Variants in C5AR1 observed in about 807,000 individuals in gnomAD.
The protein encoded by C5AR1 is C5a anaphylatoxin chemotactic receptor 1.
C5AR1 carries 4 observed loss-of-function variants against 2.4 expected under a neutral mutation model. The ratio of observed to expected loss-of-function variants is 1.65; its 90% CI spans 0.81 to 3.77. The LOEUF is 3.77. Ranked by LOEUF, C5AR1 falls within the 30% of genes most tolerant of loss-of-function variation. The probability of loss-of-function intolerance (pLI) is 0.01; values close to 1 mark genes in which losing one functional copy is unlikely to be tolerated. For synonymous variants in C5AR1, 209 were observed against 210.4 expected (o/e 0.99, Z 0.06); for missense variants, 418 against 462.5 (o/e 0.90, Z 0.88).
At chr19:47,313,840 G>A (rs2059278154) in intron 1 of C5AR1, among the ~76,000 whole-genome samples, 2 of 151,990 alleles carry the variant, frequency 1.3e-5, no homozygotes, top group Admixed American at 1.3e-4. Flanking sequence ...GGAGAGGTCT[G>A]TTCATTTCTC....
At chr19:47,310,342 C>T (rs2059265970) in intron 1 of C5AR1, among the ~76,000 whole-genome samples, 1 of 151,914 alleles carries the variant, frequency 6.6e-6, no homozygotes, top group African/African-American at 2.4e-5. Flanking sequence ...GAGACCCTGT[C>T]TGTATTTTTT....
At position 47,319,598 on chromosome 19, in the gene C5AR1, G is replaced by A. The variant is rs116689907; in HGVS notation, c.4-183G>A. 5.2e-3 allele frequency among the ~76,000 whole-genome samples: 784 copies of A among 152,058 alleles called. 8 individuals are homozygous for A. Among genetic ancestry groups the A allele is most frequent in the African/African-American group, 0.018 (746 of 41,508 alleles). On this transcript the variant is annotated intron_variant, in intron 1 of 1. Transcript: ENST00000355085. Reference sequence around the variant, plus strand: ...TGCTGGGATGACAGGCGTGAGCTACGGCATCTGCCTCAATATTTTAATAAG... The same window carrying A: ...TGCTGGGATGACAGGCGTGAGCTACAGCATCTGCCTCAATATTTTAATAAG...
In C5AR1 at chr19:47,314,098, A is replaced by G. The variant is rs530567183; in HGVS notation, c.3+4200A>G. Among the ~76,000 whole-genome samples the G allele has an allele frequency of 3.9e-5, 6 of 152,242 alleles. No individual in the cohort carries two copies. In the East Asian group the frequency reaches 5.8e-4, roughly 15 times the overall value. On this transcript the variant is annotated intron_variant, in intron 1 of 1. Coordinates refer to ENST00000355085, the MANE Select transcript of C5AR1 (RefSeq NM_001736.4). Reference sequence around the variant, plus strand: ...GCCTCACGTCACCTGGACAGTTCCAATCTCCGTTTCCTCCCAGCTTCTGCT... The same window carrying G: ...GCCTCACGTCACCTGGACAGTTCCAGTCTCCGTTTCCTCCCAGCTTCTGCT...
intron 1 of C5AR1, among the ~76,000 whole-genome samples, chr19:47,310,550 G>T (rs2059266517): frequency 6.6e-6 from 1 of 152,140 alleles, no homozygotes; most frequent in Admixed American, 6.6e-5. Context: ...GAGTGCAGTG[G>T]CACCATCATA....
chr19:47,319,395 G>C (rs1328236310), intron 1 of C5AR1, among the ~76,000 whole-genome samples: 2 of 134,060 alleles, frequency 1.5e-5, no homozygotes, highest in Non-Finnish European at 3.0e-5. Flanking sequence ...TCTAACCTCT[G>C]CCTCCTGGGG....
In C5AR1 at chr19:47,320,867, C is replaced by T; in HGVS notation, c.*37C>T. 1 of 1,542,664 alleles carries T rather than the reference C, an allele frequency of 6.5e-7. No individual in the cohort carries two copies. On this transcript the variant is annotated 3_prime_UTR_variant, in exon 2 of 2. Transcript: ENST00000355085. This position sits in a 1 kb window ranked among gnomAD's most constrained non-coding sequence, Gnocchi z 4.9. ...ATGGGCCACTGTGGCCCGATGTCCCCTTCCTTCCCGGCCATTCTCCCTCTT... is the reference window on the plus strand; with the variant it reads ...ATGGGCCACTGTGGCCCGATGTCCCTTTCCTTCCCGGCCATTCTCCCTCTT...
chr19:47,311,748 T>A (rs2122129243), intron 1 of C5AR1, among the ~76,000 whole-genome samples: 1 of 152,112 alleles, frequency 6.6e-6, no homozygotes, highest in South Asian at 2.1e-4. Context: ...GTCTTTTTAG[T>A]AGAGACGGAG....
chr19:47,309,999 C>T (rs2122126761), intron 1 of C5AR1, 101 bp downstream of exon 1: 4 of 1,194,686 alleles, frequency 3.3e-6, no homozygotes, highest in African/African-American at 1.5e-5. Flanking sequence ...GCCGTCAACT[C>T]TGTCTGTCTC....
At chr19:47,311,802 G>A (rs1385103154) in intron 1 of C5AR1, among the ~76,000 whole-genome samples, 3 of 152,072 alleles carry the variant, frequency 2.0e-5, no homozygotes, top group African/African-American at 7.2e-5. Context: ...CTGACCTCAC[G>A]TGATCCACCC....
intron 1 of C5AR1, among the ~76,000 whole-genome samples, chr19:47,314,177 G>C (rs1219407594): frequency 6.6e-6 from 1 of 152,070 alleles, no homozygotes; most frequent in African/African-American, 2.4e-5. Flanking sequence ...ATGAGCATGT[G>C]AATTTAGGAA....
intron 1 of C5AR1, among the ~76,000 whole-genome samples, chr19:47,313,765 G>A (rs2059277952): frequency 6.6e-6 from 1 of 151,670 alleles, no homozygotes; most frequent in South Asian, 2.1e-4. Context: ...AAGAGAGAGA[G>A]GGCTCTGGGG....
chr19:47,319,804 TG>T lies in C5AR1; in HGVS notation c.28del (p.Asp10IlefsTer52). On this transcript the variant is annotated frameshift_variant, in exon 2 of 2. Transcript: ENST00000355085. LOFTEE classifies it low-confidence loss of function (END_TRUNC). MDSFNYTTP[D>X]YGHYDDKDTL... ...AGGACTCCTTCAATTATACCACCCC[TG>T]ATTATGGGCACTATGATGACAAGGA... 1 of 1,612,260 alleles carries T rather than the reference TG, an allele frequency of 6.2e-7. No homozygotes were observed. The highest frequency in any genetic ancestry group is 8.5e-7 in the Non-Finnish European group (1 of 1,178,434).
At position 47,321,917 on chromosome 19, in the gene C5AR1, C is replaced by T. The variant is rs539840231; in HGVS notation, c.*1087C>T. ...CCCCACACCCCAGCCGTGTCCCTAA[C>T]CCCTGGCAACCAGGAATCCACTCTC... is the stretch of plus-strand genomic sequence containing the variant. On this transcript the variant is annotated 3_prime_UTR_variant, in exon 2 of 2. Transcript: ENST00000355085. 2 of 151,882 alleles carry T rather than the reference C, an allele frequency of 1.3e-5. No homozygotes were observed. Among genetic ancestry groups the T allele is most frequent in the South Asian group, 2.1e-4 (1 of 4,800 alleles). The allele number at this position is 151,882 out of a possible 1,614,324, so 9.4% of individuals were successfully genotyped here.
chr19:47,308,940 A>G (rs1008995809), upstream of C5AR1, among the ~76,000 whole-genome samples: 1 of 151,904 alleles, frequency 6.6e-6, no homozygotes, highest in Non-Finnish European at 1.5e-5. Context: ...ACACCTGGGT[A>G]ATTTTTGTAT....
chr19:47,316,870 G>C (rs972560218), intron 1 of C5AR1, among the ~76,000 whole-genome samples: 1 of 151,422 alleles, frequency 6.6e-6, no homozygotes, highest in African/African-American at 2.4e-5. Context: ...GCAATGTAAG[G>C]GAACTAGAAA....
intron 1 of C5AR1, among the ~76,000 whole-genome samples, chr19:47,310,822 G>A (rs2059267307): frequency 6.6e-6 from 1 of 152,236 alleles, no homozygotes; most frequent in Admixed American, 6.5e-5. Flanking sequence ...GCATGACAGA[G>A]ATGGGGAAAC....
chr19:47,317,953 C>T (rs1444392942), intron 1 of C5AR1, among the ~76,000 whole-genome samples: 1 of 145,148 alleles, frequency 6.9e-6, no homozygotes, highest in African/African-American at 2.6e-5. Context: ...TGCAGTCCAG[C>T]GTGGCGACAG....
intron 1 of C5AR1, among the ~76,000 whole-genome samples, chr19:47,312,278 G>A (rs777153465): frequency 8.6e-5 from 13 of 152,032 alleles, no homozygotes; most frequent in Non-Finnish European, 1.5e-4. Flanking sequence ...TAGAGACGGG[G>A]TTTCACCGTG....
chr19:47,320,337 T>A lies in C5AR1; in HGVS notation c.560T>A (p.Leu187Ter), dbSNP rs752315433. ...GAGGAGTACTTTCCACCAAAGGTGT[T>A]GTGTGGCGTGGACTACAGCCACGAC... ...VREEYFPPKV[L>*]CGVDYSHDKR... The change falls in exon 2 of 2, where the codon TTG becomes TAG. Residue 187 changes from leucine (L) to a stop codon, truncating the protein, a stop_gained. Transcript: ENST00000355085. LOFTEE classifies it low-confidence loss of function (END_TRUNC). The surrounding 1 kb of genome is among the most constrained non-coding windows in gnomAD (Gnocchi z 4.9). 7.5e-6 allele frequency: 12 copies of A among 1,609,920 alleles called. No homozygotes were observed. The highest frequency in any genetic ancestry group is 1.0e-5 in the Non-Finnish European group (12 of 1,179,998).
Sources: gnomAD v4.1 joint callset for allele counts (sites outside exome capture counted in the v4.1 genomes callset) on GRCh38, gnomAD v4.1.1 for gene constraint, Gnocchi (gnomAD v3.1) non-coding constraint, MANE v1.5 for transcripts, NCBI Gene and HGNC (gene_info 2026-07-23, HGNC 2026-07-21) for gene names.